CHST7: variants seen among roughly 807,000 people sequenced by gnomAD.
The protein encoded by CHST7 is carbohydrate sulfotransferase 7.
CHST7 carries 5 observed loss-of-function variants against 9.0 expected under a neutral mutation model. The observed-to-expected ratio is 0.56, with a 90% CI of 0.29 to 1.17. The LOEUF (loss-of-function observed/expected upper bound fraction) is 1.17. Among genes scored for constraint, CHST7 ranks in the 50% most tolerant of loss-of-function variants. CHST7 has a pLI of 0.08. For missense variants in CHST7, 377 were observed against 485.1 expected, an observed-to-expected ratio of 0.78 and a Z score of 2.09; for synonymous variants, 244 against 237.1, an observed-to-expected ratio of 1.03 and a Z score of -0.27.
At chrX:46,593,349 C>T (rs1942580669) in intron 1 of CHST7, among the ~76,000 whole-genome samples, 1 of 112,041 alleles carries the variant, frequency 8.9e-6, no homozygotes, top group Admixed American at 9.5e-5. Context: ...ATTTGAAGCT[C>T]TGCTATTTGC....
chrX:46,591,415 C>T (rs771769730), intron 1 of CHST7, among the ~76,000 whole-genome samples: 3 of 111,537 alleles, frequency 2.7e-5, no homozygotes, highest in Non-Finnish European at 3.8e-5. Context: ...CACTCTGTCG[C>T]GCAGGTTGGA....
intron 1 of CHST7, among the ~76,000 whole-genome samples, chrX:46,594,243 C>T (rs1328365999): frequency 1.8e-5 from 2 of 111,841 alleles, no homozygotes; most frequent in African/African-American, 3.2e-5. Flanking sequence ...AAATCTGGAT[C>T]GAGGCTGGGC....
intron 1 of CHST7, among the ~76,000 whole-genome samples, chrX:46,579,458 G>A (rs1202591111): frequency 1.8e-5 from 2 of 111,499 alleles, no homozygotes; most frequent in Admixed American, 9.5e-5. Flanking sequence ...GTTTCATCCC[G>A]CTAGGCATTT....
intron 1 of CHST7, among the ~76,000 whole-genome samples, chrX:46,591,752 A>G (rs1942574096): frequency 9.0e-6 from 1 of 111,231 alleles, no homozygotes; most frequent in African/African-American, 3.3e-5. Flanking sequence ...CTGAACATGC[A>G]GGTTTGTTAC....
chrX:46,589,995 G>A (rs746210487), intron 1 of CHST7, among the ~76,000 whole-genome samples: 3 of 111,946 alleles, frequency 2.7e-5, no homozygotes, highest in African/African-American at 9.7e-5. Flanking sequence ...TAAAAAATAT[G>A]AACCTGCATG....
At chrX:46,576,927 A>C (rs1467832793) in intron 1 of CHST7, among the ~76,000 whole-genome samples, 1 of 111,719 alleles carries the variant, frequency 9.0e-6, no homozygotes, top group Non-Finnish European at 1.9e-5. Context: ...CCTGATTTCC[A>C]GAGTGATGGA....
At position 46,574,623 on chromosome X, in the gene CHST7, C is replaced by T; in HGVS notation, c.692C>T (p.Pro231Leu). 4.1e-6 allele frequency: 5 copies of T among 1,207,156 alleles called. No individual in the cohort carries two copies. Among genetic ancestry groups the T allele is most frequent in the Non-Finnish European group, 4.5e-6 (4 of 893,361 alleles). Reference protein sequence around the residue: ...EDTACERSCPPVAIRALEAEC... With the variant: ...EDTACERSCPLVAIRALEAEC... ...ACCGCCTGCGAGCGCAGCTGCCCAC[C>T]CGTGGCGATACGCGCCCTGGAGGCC... is the stretch of plus-strand genomic sequence containing the variant. The change falls in exon 1 of 2, where the codon CCC becomes CTC. Residue 231 changes from proline (P) to leucine (L), a missense_variant. Coordinates refer to ENST00000276055, the MANE Select transcript of CHST7 (RefSeq NM_019886.4).
At chrX:46,587,813 T>C (rs1215445567) in intron 1 of CHST7, among the ~76,000 whole-genome samples, 1 of 112,242 alleles carries the variant, frequency 8.9e-6, no homozygotes, top group African/African-American at 3.2e-5. Flanking sequence ...TAAGAAAGCT[T>C]AACCTGGGTT....
chrX:46,583,851 A>G, intron 1 of CHST7, among the ~76,000 whole-genome samples: 1 of 111,825 alleles, frequency 8.9e-6, no homozygotes, highest in Non-Finnish European at 1.9e-5. Context: ...GTGTGTTCAT[A>G]CCCATTTAAC....
At chrX:46,586,337 T>A (rs1285636943) in intron 1 of CHST7, among the ~76,000 whole-genome samples, 3 of 112,287 alleles carry the variant, frequency 2.7e-5, no homozygotes, top group African/African-American at 9.7e-5. Flanking sequence ...GTACACTGAC[T>A]AGCCATTCTA....
Position 46,574,301 on chromosome X carries a change from C to A in CHST7, c.370C>A (p.His124Asn). The stretch of plus-strand genomic sequence containing the variant: ...CTTCCTGGGCGAACTCTTTAACCAG[C>A]ACCCGGACGTTTTCTACTTGTATGA... ...SSFLGELFNQHPDVFYLYEPM... is the reference protein window; with the variant it reads ...SSFLGELFNQNPDVFYLYEPM... The change falls in exon 1 of 2, where the codon CAC (histidine) becomes AAC (asparagine). Residue 124 changes from histidine (H) to asparagine (N), a missense_variant. His to Asn is a moderately conservative substitution (Grantham distance 68). Around this residue, in one of 3 missense-constraint regions of CHST7, gnomAD observed 239 missense variants for 325.7 expected, o/e 0.73. Coordinates refer to ENST00000276055, the MANE Select transcript of CHST7 (RefSeq NM_019886.4). 1.7e-6 allele frequency: 2 copies of A among 1,211,647 alleles called. No individual in the cohort carries two copies. The highest frequency in any genetic ancestry group is 2.2e-6 in the Non-Finnish European group (2 of 895,254).
chrX:46,586,827 C>G (rs554464977), intron 1 of CHST7, among the ~76,000 whole-genome samples: 2 of 109,868 alleles, frequency 1.8e-5, no homozygotes, highest in African/African-American at 6.6e-5. Flanking sequence ...CCTCCGCCTC[C>G]CAGGTTCAAG....
chrX:46,597,134 C>T (rs181267043), intron 1 of CHST7, among the ~76,000 whole-genome samples: 9 of 111,268 alleles, frequency 8.1e-5, no homozygotes, highest in African/African-American at 2.3e-4. Flanking sequence ...AAATTTGGTA[C>T]ACATCCAGGA....
rs1942609633 is a variant in CHST7 at position 46,598,447 on chromosome X, G to A, written c.*719G>A. 8.9e-6 allele frequency: 1 copy of A among 112,577 alleles called. No individual in the cohort carries two copies. Among genetic ancestry groups the A allele is most frequent in the African/African-American group, 3.2e-5 (1 of 31,026 alleles). 9.3% of individuals were successfully genotyped at this position (112,577 alleles called of 1,213,427 possible). A position where few individuals can be genotyped will look rare whatever the true frequency, so the allele number is the denominator to read the frequency against. On this transcript the variant is annotated 3_prime_UTR_variant, in exon 2 of 2. Coordinates refer to ENST00000276055, the MANE Select transcript of CHST7 (RefSeq NM_019886.4). Reference sequence around the variant, plus strand: ...GATGCAGTTCAATTGCATGGTTTGGGTAAAAGCTAGCCTACATACAAAGGA... The same window carrying A: ...GATGCAGTTCAATTGCATGGTTTGGATAAAAGCTAGCCTACATACAAAGGA...
chrX:46,581,604 T>A (rs1219628847), intron 1 of CHST7, among the ~76,000 whole-genome samples: 7 of 23,788 alleles, frequency 2.9e-4, no homozygotes, highest in Non-Finnish European at 4.4e-4. Context: ...AAAATAGAAA[T>A]TTTTTTTTGA....
chrX:46,594,085 G>T (rs1942583222), intron 1 of CHST7, among the ~76,000 whole-genome samples: 1 of 112,197 alleles, frequency 8.9e-6, no homozygotes, highest in Non-Finnish European at 1.9e-5. Flanking sequence ...GATATTTCAA[G>T]CCTCCTTTTG....
chrX:46,581,389 C>T (rs1286041827), intron 1 of CHST7, among the ~76,000 whole-genome samples: 1 of 106,769 alleles, frequency 9.4e-6, no homozygotes, highest in Non-Finnish European at 1.9e-5. Context: ...AACCCTGTCT[C>T]TACTAAAAAT....
chrX:46,588,537 T>G (rs2072839), intron 1 of CHST7, among the ~76,000 whole-genome samples: 1 of 109,981 alleles, frequency 9.1e-6, no homozygotes, highest in Non-Finnish European at 1.9e-5. Flanking sequence ...TGCTTGCAAT[T>G]CAGGCTCCAT....
At chrX:46,587,823 T>TAA (rs1942556489) in intron 1 of CHST7, among the ~76,000 whole-genome samples, 3 of 112,185 alleles carry the variant, frequency 2.7e-5, no homozygotes, top group Non-Finnish European at 3.8e-5. Context: ...TAACCTGGGT[T>TAA]AACAGATAAG....
Sources: gnomAD v4.1 joint callset for allele counts (sites outside exome capture counted in the v4.1 genomes callset) on GRCh38, gnomAD v4.1.1 for gene constraint, gnomAD v4.1.1 regional missense constraint, MANE v1.5 for transcripts, NCBI Gene and HGNC (gene_info 2026-07-23, HGNC 2026-07-21) for gene names.